CAST: variants seen among roughly 807,000 people sequenced by gnomAD.
CAST encodes calpastatin, also known as MIR583 host.
CAST carries 76 observed loss-of-function variants against 119.6 expected under a neutral mutation model. The observed-to-expected ratio is 0.64, with a 90% CI of 0.53 to 0.77. The LOEUF (loss-of-function observed/expected upper bound fraction) is 0.77. CAST is among the 30% of genes least tolerant of loss of function. The probability of loss-of-function intolerance (pLI) is 0.00; values close to 1 mark genes in which losing one functional copy is unlikely to be tolerated. For synonymous variants in CAST, 319 were observed against 331.6 expected (o/e 0.96, Z 0.41); for missense variants, 953 against 946.5 (o/e 1.01, Z -0.09).
At chr5:96,362,008 G>A in the CAST span, among the ~76,000 whole-genome samples, 3 of 151,630 alleles carry the variant, frequency 2.0e-5, no homozygotes, top group African/African-American at 4.9e-5. Flanking sequence ...GACAGGCCCC[G>A]GTGTGTGATG....
At chr5:96,413,173 A>T in the CAST span, among the ~76,000 whole-genome samples, 1 of 152,218 alleles carries the variant, frequency 6.6e-6, no homozygotes, top group African/African-American at 2.4e-5. Flanking sequence ...CATGCTTCCT[A>T]TTCTTCTAAA....
At chr5:96,291,843 C>CGTGTGTGTGTGT in the CAST span, among the ~76,000 whole-genome samples, 434 of 133,024 alleles carry the variant, frequency 3.3e-3, 2 homozygotes, top group East Asian at 9.8e-3. Flanking sequence ...TCCCAGTCTG[C>CGTGTGTGTGTGT]GTGTGTGTGT....
At chr5:96,686,540 G>A (rs1752104876) in intron 2 of CAST, among the ~76,000 whole-genome samples, 1 of 152,110 alleles carries the variant, frequency 6.6e-6, no homozygotes, top group African/African-American at 2.4e-5. Flanking sequence ...GAGGGATGGG[G>A]GCTGAGGCAA....
rs769258865 is a variant in CAST at position 96,767,469 on chromosome 5, C to G, written c.2162C>G (p.Ser721Ter). The change falls in exon 28 of 32, where the codon TCA becomes TGA. Residue 721 changes from serine (S) to a stop codon, truncating the protein, a stop_gained. Coordinates refer to ENST00000675179, the MANE Select transcript of CAST (RefSeq NM_001750.7). LOFTEE classifies it high-confidence loss of function. ...DKPVKPPTKK[S>*]EDSKKPADDQ... ...CCAGTGAAGCCACCTACAAAGAAAT[C>G]AGAGGATTCAAAGGTAAAGACCATA... is the stretch of plus-strand genomic sequence containing the variant. 6.2e-7 allele frequency: 1 copy of G among 1,612,444 alleles called. No homozygotes were observed. The highest frequency in any genetic ancestry group is 8.5e-7 in the Non-Finnish European group (1 of 1,178,770).
chr5:96,486,789 C>A, the CAST span, among the ~76,000 whole-genome samples: 1 of 152,288 alleles, frequency 6.6e-6, no homozygotes, highest in African/African-American at 2.4e-5. Flanking sequence ...CTCCTTGATT[C>A]TTCTCCATGT....
chr5:96,683,014 C>T (rs1751632737), intron 2 of CAST, among the ~76,000 whole-genome samples: 1 of 152,148 alleles, frequency 6.6e-6, no homozygotes, highest in Admixed American at 6.5e-5. Context: ...CACCAGATTT[C>T]TGCTTAGTTG....
chr5:96,237,490 G>A, the CAST span, among the ~76,000 whole-genome samples: 9 of 152,198 alleles, frequency 5.9e-5, no homozygotes, highest in East Asian at 1.9e-4. Context: ...CTGTAGAAGC[G>A]ATTATTAATC....
At chr5:96,424,740 A>T in the CAST span, among the ~76,000 whole-genome samples, 1 of 152,118 alleles carries the variant, frequency 6.6e-6, no homozygotes, top group Non-Finnish European at 1.5e-5. Context: ...AGGCGGGTGG[A>T]TCACCTGAGG....
the CAST span, among the ~76,000 whole-genome samples, chr5:96,105,520 T>C: frequency 6.6e-6 from 1 of 152,214 alleles, no homozygotes; most frequent in South Asian, 2.1e-4. Context: ...TGGTTCTGTT[T>C]ATATGCTGGA....
At position 96,675,550 on chromosome 5, in the gene CAST, A is replaced by G; in HGVS notation, c.87A>G (p.Glu29=). 1 of 1,613,080 alleles carries G rather than the reference A, an allele frequency of 6.2e-7. No homozygotes were observed. Among genetic ancestry groups the G allele is most frequent in the Non-Finnish European group, 8.5e-7 (1 of 1,179,052 alleles). Residue 29 remains glutamate, a synonymous_variant, in exon 2 of 32, where the codon GAA becomes GAG. Coordinates refer to ENST00000675179, the MANE Select transcript of CAST (RefSeq NM_001750.7). ...TTACTTTTTTATAGCATGTCAGTGA[A>G]AAAACCAGTGAATCGCCTTCCAAAC... ...AARRTHEHVS[E]KTSESPSKPG...
At chr5:96,569,535 A>G (rs539552435) in intron 1 of CAST, among the ~76,000 whole-genome samples, 3 of 152,314 alleles carry the variant, frequency 2.0e-5, no homozygotes, top group South Asian at 4.1e-4. Context: ...CATCCCAAAC[A>G]TACCAGACTG....
chr5:96,227,658 A>G, the CAST span, among the ~76,000 whole-genome samples: 1 of 152,210 alleles, frequency 6.6e-6, no homozygotes, highest in African/African-American at 2.4e-5. Context: ...AAGTCTCTTT[A>G]AAAGTGTAAA....
chr5:96,723,675 T>C (rs1403901863), intron 4 of CAST, among the ~76,000 whole-genome samples: 1 of 152,220 alleles, frequency 6.6e-6, no homozygotes, highest in Non-Finnish European at 1.5e-5. Context: ...CTCCCTAAGT[T>C]ACTCTAGCTC....
the CAST span, among the ~76,000 whole-genome samples, chr5:96,419,001 T>A: frequency 6.6e-6 from 1 of 152,196 alleles, no homozygotes; most frequent in South Asian, 2.1e-4. Flanking sequence ...AGCAAACACT[T>A]ACTTAACTTT....
At chr5:96,201,952 AAAAAT>A in the CAST span, among the ~76,000 whole-genome samples, 18,717 of 151,826 alleles carry the variant, frequency 0.12, 1,531 homozygotes, top group East Asian at 0.21. Flanking sequence ...AAGATGAAAT[AAAAAT>A]AAAATAAAAT....
chr5:96,041,352 G>A, the CAST span, among the ~76,000 whole-genome samples: 10 of 151,966 alleles, frequency 6.6e-5, no homozygotes, highest in Non-Finnish European at 1.0e-4. Context: ...GTTCTGATAG[G>A]GGACATCCAA....
chr5:96,399,882 C>T, the CAST span: 1 of 1,227,658 alleles, frequency 8.1e-7, no homozygotes. Flanking sequence ...AAAAATCAGG[C>T]AGAATGGCAA....
chr5:96,436,037 G>C, the CAST span, among the ~76,000 whole-genome samples: 2 of 152,172 alleles, frequency 1.3e-5, no homozygotes, highest in African/African-American at 4.8e-5. Flanking sequence ...AATATTCCTA[G>C]ATCTTCAAGA....
At chr5:96,414,525 A>G in the CAST span, among the ~76,000 whole-genome samples, 40 of 152,212 alleles carry the variant, frequency 2.6e-4, no homozygotes, top group Non-Finnish European at 3.4e-4. Flanking sequence ...AGTAACTGAC[A>G]TACAATAGGT....
Sources: allele counts gnomAD v4.1 joint callset (sites outside exome capture counted in the v4.1 genomes callset), GRCh38; gene constraint gnomAD v4.1.1; transcripts MANE v1.5; gene names NCBI Gene and HGNC (gene_info 2026-07-23, HGNC 2026-07-21).